Variants in SGCZ observed in about 807,000 individuals in gnomAD.
SGCZ encodes the protein sarcoglycan zeta, also known as zeta-sarcoglycan.
SGCZ carries 40 observed loss-of-function variants against 41.3 expected under a neutral mutation model. The observed-to-expected ratio is 0.97, with a 90% CI of 0.75 to 1.26. The LOEUF is 1.26. SGCZ is among the 50% of genes most tolerant of loss of function. The probability of loss-of-function intolerance (pLI) is 0.00; values close to 1 mark genes in which losing one functional copy is unlikely to be tolerated. For synonymous variants in SGCZ, 206 were observed against 137.5 expected (o/e 1.50, Z -3.49); for missense variants, 552 against 369.8 (o/e 1.49, Z -4.04).
chr8:14,128,337 A>G (rs1401217223), intron 5 of SGCZ, among the ~76,000 whole-genome samples: 1 of 152,228 alleles, frequency 6.6e-6, no homozygotes, highest in African/African-American at 2.4e-5. Flanking sequence ...AGAAATGCAA[A>G]TTAAAATCAC....
intron 1 of SGCZ, among the ~76,000 whole-genome samples, chr8:14,840,208 T>C (rs1248982719): frequency 6.6e-6 from 1 of 152,148 alleles, no homozygotes; most frequent in Non-Finnish European, 1.5e-5. Context: ...GATTTTTAAA[T>C]ACAAGAGAGA....
intron 1 of SGCZ, among the ~76,000 whole-genome samples, chr8:14,805,562 G>C (rs575953940): frequency 2.2e-5 from 3 of 134,372 alleles, no homozygotes; most frequent in South Asian, 2.8e-4. Context: ...CAATACAGGA[G>C]CACCCAGATT....
At chr8:14,598,968 A>G (rs144621148) in intron 1 of SGCZ, among the ~76,000 whole-genome samples, 2 of 152,216 alleles carry the variant, frequency 1.3e-5, no homozygotes, top group African/African-American at 2.4e-5. Flanking sequence ...CAGATGCTCA[A>G]TTAATTTTTG....
chr8:14,207,567 T>A (rs1805658573), intron 4 of SGCZ, among the ~76,000 whole-genome samples: 1 of 152,158 alleles, frequency 6.6e-6, no homozygotes, highest in African/African-American at 2.4e-5. Flanking sequence ...TTTTTTGTAG[T>A]GTGTTTTTTT....
intron 2 of SGCZ, among the ~76,000 whole-genome samples, chr8:14,412,995 T>G (rs2117281991): frequency 6.6e-6 from 1 of 152,148 alleles, no homozygotes; most frequent in South Asian, 2.1e-4. Context: ...ATTAAACTTT[T>G]GTTATAAAGG....
chr8:14,702,814 T>TAGATAGAC (rs1474080924), intron 1 of SGCZ, among the ~76,000 whole-genome samples: 4 of 1,870 alleles, frequency 2.1e-3, no homozygotes, highest in African/African-American at 4.2e-3. Context: ...GGTAGTTAGG[T>TAGATAGAC]AGATAGATAG....
At chr8:14,920,966 C>A (rs561774030) in intron 1 of SGCZ, among the ~76,000 whole-genome samples, 131 of 152,270 alleles carry the variant, frequency 8.6e-4, no homozygotes, top group African/African-American at 2.4e-3. Flanking sequence ...AGACATTGAC[C>A]TTGACTGCAG....
At chr8:15,225,270 C>T (rs1004395302) in intron 1 of SGCZ, among the ~76,000 whole-genome samples, 2 of 151,716 alleles carry the variant, frequency 1.3e-5, no homozygotes, top group Non-Finnish European at 2.9e-5. Context: ...TAGTTAAAAG[C>T]GTACAATGCA....
chr8:14,551,116 C>CTTTT (rs75142255), intron 2 of SGCZ, among the ~76,000 whole-genome samples: 1 of 137,590 alleles, frequency 7.3e-6, no homozygotes, highest in African/African-American at 2.7e-5. Context: ...TATTGTAATT[C>CTTTT]TTTTTTTTTT....
chr8:14,125,758 A>T (rs1248586134), intron 5 of SGCZ, among the ~76,000 whole-genome samples: 2 of 152,200 alleles, frequency 1.3e-5, no homozygotes, highest in African/African-American at 4.8e-5. Flanking sequence ...ATCACATGGT[A>T]CTGGTACCAT....
At chr8:14,704,753 GA>G (rs1809274723) in intron 1 of SGCZ, among the ~76,000 whole-genome samples, 1 of 151,794 alleles carries the variant, frequency 6.6e-6, no homozygotes, top group Non-Finnish European at 1.5e-5. Flanking sequence ...CACTTTTTAA[GA>G]TGCTACTCCC....
chr8:14,806,696 A>T (rs10112421), intron 1 of SGCZ, among the ~76,000 whole-genome samples: 2 of 152,106 alleles, frequency 1.3e-5, no homozygotes, highest in Non-Finnish European at 2.9e-5. Context: ...ATTACAATCA[A>T]GAGAAAAAGA....
chr8:14,617,897 CA>C (rs1202890782), intron 1 of SGCZ, among the ~76,000 whole-genome samples: 2 of 151,442 alleles, frequency 1.3e-5, no homozygotes, highest in African/African-American at 4.8e-5. Flanking sequence ...GGAAAAATTA[CA>C]GTCACAGATG....
At chr8:14,999,885 G>A (rs953947621) in intron 1 of SGCZ, among the ~76,000 whole-genome samples, 1 of 152,170 alleles carries the variant, frequency 6.6e-6, no homozygotes, top group Admixed American at 6.5e-5. Flanking sequence ...GAAGATCACT[G>A]GGATAACGTG....
At position 14,857,081 on chromosome 8, in the gene SGCZ, T is replaced by C. The variant is rs560821120; in HGVS notation, c.40-302155A>G. On this transcript the variant is annotated intron_variant, in intron 1 of 7. Coordinates refer to ENST00000382080, the MANE Select transcript of SGCZ (RefSeq NM_139167.4). The stretch of plus-strand genomic sequence containing the variant: ...ACCATCCTCTCTTAGTACTGTATAG[T>C]CAGTGAGTTCCCATAAGATCTGGTG... Among the ~76,000 whole-genome samples the C allele has an allele frequency of 3.7e-4, 57 of 152,244 alleles. No individual in the cohort carries two copies. In the Middle Eastern group the frequency reaches 0.014, roughly 36 times the overall value.
At chr8:14,819,672 T>C (rs1387462314) in intron 1 of SGCZ, among the ~76,000 whole-genome samples, 5 of 152,102 alleles carry the variant, frequency 3.3e-5, no homozygotes, top group African/African-American at 7.2e-5. Context: ...CTCCAAGTAG[T>C]GGCTAAGGAA....
intron 1 of SGCZ, among the ~76,000 whole-genome samples, chr8:14,788,862 G>C (rs1023425877): frequency 6.6e-6 from 1 of 152,062 alleles, no homozygotes. Context: ...TGTAACCCCA[G>C]TGCTTTGGGT....
At chr8:15,039,014 T>C (rs1803978079) in intron 1 of SGCZ, among the ~76,000 whole-genome samples, 1 of 152,056 alleles carries the variant, frequency 6.6e-6, no homozygotes, top group Admixed American at 6.6e-5. Flanking sequence ...AAAGAAATAT[T>C]TGTACACTGT....
chr8:14,302,802 C>A (rs527617744), intron 3 of SGCZ, among the ~76,000 whole-genome samples: 1 of 152,266 alleles, frequency 6.6e-6, no homozygotes, highest in East Asian at 1.9e-4. Flanking sequence ...CTGGACAAAA[C>A]TACCAGATAC....
Sources: gnomAD v4.1 joint callset for allele counts (sites outside exome capture counted in the v4.1 genomes callset) on GRCh38, gnomAD v4.1.1 for gene constraint, MANE v1.5 for transcripts, NCBI Gene and HGNC (gene_info 2026-07-23, HGNC 2026-07-21) for gene names.